MID1: variants seen among roughly 807,000 people sequenced by gnomAD.
MID1 encodes midline 1.
A neutral mutation model predicts 40.4 loss-of-function variants in MID1; 7 were observed. The observed-to-expected ratio is 0.17, with a 90% CI of 0.10 to 0.33. MID1 has a LOEUF of 0.33. MID1 is among the 10% of genes least tolerant of loss of function. The probability of loss-of-function intolerance (pLI) is 1.00; values close to 1 mark genes in which losing one functional copy is unlikely to be tolerated. For synonymous variants in MID1, 229 were observed against 221.2 expected, an observed-to-expected ratio of 1.04 and a Z score of -0.31; for missense variants, 367 against 558.5, an observed-to-expected ratio of 0.66 and a Z score of 3.46.
chrX:10,539,714 C>A (rs914013729), intron 2 of MID1, among the ~76,000 whole-genome samples: 5 of 110,007 alleles, frequency 4.5e-5, no homozygotes, highest in African/African-American at 9.9e-5. Context: ...CCTCAATAGC[C>A]AAAAAAAAAT....
chrX:10,454,974 G>T lies in MID1; in HGVS notation c.1551C>A (p.His517Gln). The T allele has an allele frequency of 8.3e-7, 1 of 1,209,446 alleles. No individual in the cohort carries two copies. Among genetic ancestry groups the T allele is most frequent in the Non-Finnish European group, 1.1e-6 (1 of 893,291 alleles). ...ERDESSSKKSHTPERFTSQGS... is the reference protein window; with the variant it reads ...ERDESSSKKSQTPERFTSQGS... ...CCTGGCTGGTGAAGCGTTCAGGTGT[G>T]TGACTCTTCTTGGATGATGACTCAT... The change falls in exon 9 of 10, where the codon CAC becomes CAA. Residue 517 changes from histidine (H) to glutamine (Q), a missense_variant. His to Gln is a conservative substitution (Grantham distance 24). Transcript: ENST00000317552.
intron 1 of MID1, among the ~76,000 whole-genome samples, chrX:10,614,536 T>A (rs1237026262): frequency 8.9e-6 from 1 of 112,141 alleles, no homozygotes; most frequent in Non-Finnish European, 1.9e-5. Context: ...GTTAAAGGGA[T>A]AAGAGTCATG....
chrX:10,461,083 A>AATATATATATATAT (rs35175429), intron 7 of MID1, among the ~76,000 whole-genome samples: 33 of 99,354 alleles, frequency 3.3e-4, no homozygotes, highest in African/African-American at 1.1e-3. Flanking sequence ...CAGTGAATTA[A>AATATATATATATAT]ATATATATAT....
At chrX:10,803,495 G>A (rs774086760) in intron 1 of MID1, among the ~76,000 whole-genome samples, 35 of 109,010 alleles carry the variant, frequency 3.2e-4, no homozygotes, top group African/African-American at 1.2e-3. Flanking sequence ...TGGGATTTCC[G>A]GCATGCACCA....
intron 2 of MID1, among the ~76,000 whole-genome samples, chrX:10,566,233 A>C (rs1240587730): frequency 3.6e-5 from 4 of 111,767 alleles, no homozygotes; most frequent in Non-Finnish European, 5.6e-5. Context: ...CTTACTGAAT[A>C]AAGAGCCTAC....
intron 1 of MID1, among the ~76,000 whole-genome samples, chrX:10,831,868 T>C (rs2044255253): frequency 8.9e-6 from 1 of 112,473 alleles, no homozygotes; most frequent in Non-Finnish European, 1.9e-5. Flanking sequence ...ATAATAACTA[T>C]GTACATATCA....
In MID1 at chrX:10,506,474, A is replaced by G. The variant is rs1321821599; in HGVS notation, c.757-10783T>C. On this transcript the variant is annotated intron_variant, in intron 3 of 9. Coordinates refer to ENST00000317552, the MANE Select transcript of MID1 (RefSeq NM_000381.4). The stretch of plus-strand genomic sequence containing the variant: ...ATTGGGCAACTCTGGGAAACAGTAC[A>G]GAACATTCCAGCTAATAGGGAAGAA... 11 of 536,915 alleles carry G rather than the reference A, an allele frequency of 2.0e-5. No homozygotes were observed. The East Asian group carries it at 3.6e-4, about 18-fold the overall frequency. 44.2% of individuals were successfully genotyped at this position (536,915 alleles called of 1,213,427 possible). A position where few individuals can be genotyped will look rare whatever the true frequency, so the allele number is the denominator to read the frequency against.
chrX:10,762,430 CT>C (rs767323656), intron 1 of MID1, among the ~76,000 whole-genome samples: 93 of 110,310 alleles, frequency 8.4e-4, no homozygotes, highest in Non-Finnish European at 1.6e-3. Flanking sequence ...ACATTTCCAT[CT>C]TATGGACACA....
At chrX:10,445,310 C>T (rs948001260), downstream of MID1, 10 of 112,018 alleles carry the variant, frequency 8.9e-5, no homozygotes, top group Non-Finnish European at 1.9e-4. Flanking sequence ...TCTGGGTTTC[C>T]ACTTCTATAT....
intron 1 of MID1, among the ~76,000 whole-genome samples, chrX:10,718,430 T>G (rs1169424574): frequency 9.0e-6 from 1 of 111,704 alleles, no homozygotes; most frequent in Non-Finnish European, 1.9e-5. Context: ...TCTATGCAAA[T>G]AAACTAGAAA....
At chrX:10,569,451 C>T (rs1377627740) in intron 1 of MID1, among the ~76,000 whole-genome samples, 2 of 112,343 alleles carry the variant, frequency 1.8e-5, no homozygotes, top group African/African-American at 6.5e-5. Flanking sequence ...GTCACCTCTT[C>T]CTACAGATGG....
chrX:10,548,289 T>C (rs187310043), intron 2 of MID1, among the ~76,000 whole-genome samples: 2 of 111,558 alleles, frequency 1.8e-5, no homozygotes, highest in Admixed American at 9.5e-5. Context: ...CCCCTCTCTA[T>C]GATGTTATTC....
intron 1 of MID1, among the ~76,000 whole-genome samples, chrX:10,719,311 C>T (rs774343204): frequency 9.0e-6 from 1 of 111,156 alleles, no homozygotes; most frequent in South Asian, 3.8e-4. Context: ...TCGTCTCAGC[C>T]CAAAATCTCC....
intron 1 of MID1, among the ~76,000 whole-genome samples, chrX:10,580,130 A>G (rs1336351491): frequency 9.1e-6 from 1 of 109,957 alleles, no homozygotes; most frequent in African/African-American, 3.3e-5. Context: ...ACACACACAC[A>G]CACACACTGT....
chrX:10,565,111 C>T, intron 2 of MID1: 1 of 329,627 alleles, frequency 3.0e-6, no homozygotes, highest in South Asian at 2.6e-5. Context: ...ATTGCCTTTG[C>T]TATGATTAAC....
chrX:10,522,108 T>A (rs1932740444), intron 3 of MID1, among the ~76,000 whole-genome samples: 1 of 112,371 alleles, frequency 8.9e-6, no homozygotes, highest in Admixed American at 9.4e-5. Context: ...AGTGCTGGGA[T>A]TACAGGGTGT....
intron 1 of MID1, among the ~76,000 whole-genome samples, chrX:10,599,187 C>T (rs1316925765): frequency 8.9e-6 from 1 of 112,011 alleles, no homozygotes; most frequent in Non-Finnish European, 1.9e-5. Context: ...AATCACCTTC[C>T]GCTTAATGAT....
At chrX:10,700,768 G>GAA (rs981392356) in intron 1 of MID1, among the ~76,000 whole-genome samples, 4 of 111,511 alleles carry the variant, frequency 3.6e-5, no homozygotes. Flanking sequence ...TGACTGTTTG[G>GAA]AAAAAAGACC....
chrX:10,473,403 G>A (rs1186751418), intron 6 of MID1, among the ~76,000 whole-genome samples: 1 of 112,077 alleles, frequency 8.9e-6, no homozygotes, highest in African/African-American at 3.2e-5. Context: ...AGTTACATAA[G>A]ATAAGAAGTT....
Sources: gnomAD v4.1 joint callset for allele counts (sites outside exome capture counted in the v4.1 genomes callset) on GRCh38, gnomAD v4.1.1 for gene constraint, MANE v1.5 for transcripts, NCBI Gene and HGNC (gene_info 2026-07-23, HGNC 2026-07-21) for gene names.